GRIA1: variants seen among roughly 807,000 people sequenced by gnomAD.
The protein encoded by GRIA1 is glutamate ionotropic receptor AMPA type subunit 1.
In GRIA1, 31 loss-of-function variants were observed where a neutral mutation model predicts 99.2. The ratio of observed to expected loss-of-function variants is 0.31; its 90% confidence interval spans 0.23 to 0.42. GRIA1 has a LOEUF of 0.42. Among genes scored for constraint, GRIA1 ranks in the 10% least tolerant of loss-of-function variants. GRIA1 has a pLI of 1.00. For missense variants in GRIA1, 782 were observed against 1,157.5 expected, an observed-to-expected ratio of 0.68 and a Z score of 4.71; for synonymous variants, 438 against 432.4, an observed-to-expected ratio of 1.01 and a Z score of -0.16.
At chr5:153,711,394 G>A (rs76503698) in intron 11 of GRIA1, among the ~76,000 whole-genome samples, 11 of 152,276 alleles carry the variant, frequency 7.2e-5, no homozygotes, top group Admixed American at 3.3e-4. Flanking sequence ...TTCACTCTGA[G>A]ACTAGAATTG....
chr5:153,642,839 C>T (rs1753871768), intron 2 of GRIA1, among the ~76,000 whole-genome samples: 1 of 152,210 alleles, frequency 6.6e-6, no homozygotes, highest in Non-Finnish European at 1.5e-5. Flanking sequence ...GTCTCCATCT[C>T]TGGCTCCCTT....
chr5:153,600,391 C>CAA (rs57395601), intron 2 of GRIA1, among the ~76,000 whole-genome samples: 19,904 of 51,262 alleles, frequency 0.39, 5,735 homozygotes, highest in Non-Finnish European at 0.42. Flanking sequence ...GACTCCATCT[C>CAA]AAAAAAAAAA....
At chr5:153,550,072 TACA>T (rs1018206604) in intron 2 of GRIA1, among the ~76,000 whole-genome samples, 1 of 152,156 alleles carries the variant, frequency 6.6e-6, no homozygotes, top group Non-Finnish European at 1.5e-5. Flanking sequence ...AATATTAAAA[TACA>T]ATGAGCTATA....
chr5:153,733,170 A>G (rs1197190159), intron 11 of GRIA1, among the ~76,000 whole-genome samples: 1 of 152,006 alleles, frequency 6.6e-6, no homozygotes, highest in Non-Finnish European at 1.5e-5. Context: ...TACATAATAT[A>G]AAAACATAGG....
chr5:153,619,971 C>A (rs971927394), intron 2 of GRIA1, among the ~76,000 whole-genome samples: 1 of 152,172 alleles, frequency 6.6e-6, no homozygotes, highest in African/African-American at 2.4e-5. Context: ...TAGAACAAGT[C>A]TCTACAGTTC....
chr5:153,779,639 C>A (rs1292357445), intron 13 of GRIA1, among the ~76,000 whole-genome samples: 1 of 152,196 alleles, frequency 6.6e-6, no homozygotes, highest in Admixed American at 6.5e-5. Context: ...CAGCTCACTG[C>A]AACCTCCGCC....
At chr5:153,715,914 G>A (rs1384866186) in intron 11 of GRIA1, among the ~76,000 whole-genome samples, 1 of 152,162 alleles carries the variant, frequency 6.6e-6, no homozygotes, top group African/African-American at 2.4e-5. Flanking sequence ...AGAATTTCCA[G>A]CTGTCACTAA....
rs755724759 is a variant in GRIA1 at position 153,811,204 on chromosome 5, C to G, written c.2700C>G (p.Pro900=). 3.7e-6 allele frequency: 6 copies of G among 1,613,970 alleles called. No individual in the cohort carries two copies. The Admixed American group carries it at 1.0e-4, about 27-fold the overall frequency. Residue 900 remains proline (P), a synonymous_variant, in exon 16 of 16, where the codon CCC becomes CCG. Transcript: ENST00000285900. ...IPCMSHSSGM[P]LGATGL Reference sequence around the variant, plus strand: ...GCATGAGCCACAGTTCAGGGATGCCCTTGGGAGCCACGGGATTGTAACTGG... The same window carrying G: ...GCATGAGCCACAGTTCAGGGATGCCGTTGGGAGCCACGGGATTGTAACTGG...
chr5:153,787,626 CAAGT>C (rs1212992913), intron 13 of GRIA1, among the ~76,000 whole-genome samples: 3 of 152,274 alleles, frequency 2.0e-5, no homozygotes, highest in East Asian at 1.9e-4. Flanking sequence ...GTTGTTTATT[CAAGT>C]AAGTAATTAT....
chr5:153,720,179 G>A (rs540947210), intron 11 of GRIA1, among the ~76,000 whole-genome samples: 101 of 152,222 alleles, frequency 6.6e-4, no homozygotes, highest in African/African-American at 2.4e-3. Context: ...TCACATAGCC[G>A]GTAAAGTTAG....
intron 11 of GRIA1, among the ~76,000 whole-genome samples, chr5:153,745,589 CAAAAAAAAAAAA>C (rs58166158): frequency 9.9e-6 from 1 of 100,906 alleles, no homozygotes; most frequent in African/African-American, 3.9e-5. Context: ...AACTCTGTCT[CAAAAAAAAAAAA>C]AAAAAAAAAA....
chr5:153,680,773 G>T (rs891978748), intron 7 of GRIA1, among the ~76,000 whole-genome samples: 1 of 152,204 alleles, frequency 6.6e-6, no homozygotes, highest in African/African-American at 2.4e-5. Flanking sequence ...GTGGGCTTAT[G>T]GTGCTGTGGA....
chr5:153,536,455 G>C (rs895438456), intron 2 of GRIA1, among the ~76,000 whole-genome samples: 1 of 152,092 alleles, frequency 6.6e-6, no homozygotes, highest in African/African-American at 2.4e-5. Flanking sequence ...AGCTCCTTTG[G>C]GGGAAAGGGC....
intron 2 of GRIA1, among the ~76,000 whole-genome samples, chr5:153,544,232 C>A (rs1759406208): frequency 6.6e-6 from 1 of 152,198 alleles, no homozygotes; most frequent in African/African-American, 2.4e-5. Context: ...TCCTTGGTAA[C>A]CTCCTCTGGT....
intron 4 of GRIA1, among the ~76,000 whole-genome samples, chr5:153,652,618 G>A (rs769492935): frequency 1.1e-4 from 17 of 152,156 alleles, no homozygotes; most frequent in Admixed American, 3.9e-4. Flanking sequence ...GCAAACTTGC[G>A]TTTTGTAAAG....
intron 11 of GRIA1, among the ~76,000 whole-genome samples, chr5:153,744,223 T>G (rs746516767): frequency 2.6e-5 from 4 of 152,116 alleles, no homozygotes; most frequent in African/African-American, 7.2e-5. Flanking sequence ...TCAGGCAAAT[T>G]TATGGCAACA....
rs545442523 is a variant in GRIA1 at position 153,506,721 on chromosome 5, G to A, written c.220+12656G>A. On this transcript the variant is annotated intron_variant, in intron 2 of 15. Transcript: ENST00000285900. ...AATGTTGGGGGACAGGAAGCTCACA[G>A]CGCCCGCATGGAATTTAGACTCCAA... 7.9e-4 allele frequency among the ~76,000 whole-genome samples: 121 copies of A among 152,286 alleles called. No homozygotes were observed. The Middle Eastern group carries it at 0.017, about 21-fold the overall frequency.
chr5:153,593,081 GA>G (rs1764116109), intron 2 of GRIA1, among the ~76,000 whole-genome samples: 1 of 152,088 alleles, frequency 6.6e-6, no homozygotes, highest in African/African-American at 2.4e-5. Context: ...ACCTGGCCAA[GA>G]TGGCAAAACC....
Position 153,492,436 on chromosome 5 carries a change from A to G in GRIA1, c.82+1466A>G. On this transcript the variant is annotated intron_variant, in intron 1 of 15. Coordinates refer to ENST00000285900, the MANE Select transcript of GRIA1 (RefSeq NM_000827.4). ...CCATCCTTTCTCTTTCATTCATTGC[A>G]GAGGAGGAGAAAGGGGACAGGGAAG... is the stretch of plus-strand genomic sequence containing the variant. 3.3e-6 allele frequency: 3 copies of G among 899,588 alleles called. No homozygotes were observed. The East Asian group carries it at 9.1e-5, about 27-fold the overall frequency. The allele number at this position is 899,588 out of a possible 1,614,324, so 55.7% of individuals were successfully genotyped here.
Sources: gnomAD v4.1 joint callset for allele counts (sites outside exome capture counted in the v4.1 genomes callset) on GRCh38, gnomAD v4.1.1 for gene constraint, MANE v1.5 for transcripts, NCBI Gene and HGNC (gene_info 2026-07-23, HGNC 2026-07-21) for gene names.